Variants in CACNA1C observed in about 807,000 individuals in gnomAD.
The protein encoded by CACNA1C is calcium voltage-gated channel subunit alpha1 C.
CACNA1C carries 30 observed loss-of-function variants against 229.0 expected under a neutral mutation model. The ratio of observed to expected loss-of-function variants is 0.13; its 90% CI spans 0.10 to 0.18. The LOEUF (loss-of-function observed/expected upper bound fraction) is 0.18, where lower values mean the gene tolerates loss of function less well. CACNA1C is among the 10% of genes least tolerant of loss of function. CACNA1C has a pLI of 1.00. For missense variants in CACNA1C, 1,658 were observed against 2,845.0 expected (o/e 0.58, Z 9.49); for synonymous variants, 1,114 against 1,132.5 (o/e 0.98, Z 0.33).
chr12:2,315,530 G>C (rs1313036012), intron 3 of CACNA1C, among the ~76,000 whole-genome samples: 3 of 152,122 alleles, frequency 2.0e-5, no homozygotes, highest in Admixed American at 2.0e-4. Flanking sequence ...GGCTCTAGCA[G>C]GCCTTTAACC....
At chr12:2,417,485 A>G (rs1436840169) in intron 3 of CACNA1C, among the ~76,000 whole-genome samples, 3 of 152,156 alleles carry the variant, frequency 2.0e-5, no homozygotes, top group Non-Finnish European at 2.9e-5. Context: ...GGGCCCAGGC[A>G]GTTTGTTAAA....
At chr12:2,060,028 T>C (rs2056858534) in intron 1 of CACNA1C, among the ~76,000 whole-genome samples, 1 of 152,170 alleles carries the variant, frequency 6.6e-6, no homozygotes, top group South Asian at 2.1e-4. Flanking sequence ...ATTGGAAAGG[T>C]TTAAAAACAC....
intron 3 of CACNA1C, among the ~76,000 whole-genome samples, chr12:2,372,336 T>G (rs562259716): frequency 2.6e-5 from 4 of 152,328 alleles, no homozygotes; most frequent in Admixed American, 2.6e-4. Flanking sequence ...GCTCTCTTCC[T>G]GAGCTCACTA....
In CACNA1C at chr12:2,215,286, TC is replaced by T. The variant is rs1213813729; in HGVS notation, c.477+94859del. 6.6e-6 allele frequency among the ~76,000 whole-genome samples: 1 copy of T among 152,122 alleles called. No individual in the cohort carries two copies. Among genetic ancestry groups the T allele is most frequent in the Non-Finnish European group, 1.5e-5 (1 of 68,010 alleles). On this transcript the variant is annotated intron_variant, in intron 3 of 46. Transcript: ENST00000399655. The surrounding 1 kb of genome is among the most constrained non-coding windows in gnomAD (Gnocchi z 5.0). ...CTTGTCCTTTGCACTTCCTCATCAT[TC>T]CCTTTCTGCGAGCTTGCCCACTTGC...
At chr12:2,142,308 G>A (rs1192019332) in intron 3 of CACNA1C, among the ~76,000 whole-genome samples, 2 of 151,150 alleles carry the variant, frequency 1.3e-5, no homozygotes, top group Admixed American at 6.6e-5. Context: ...TCTTTCTGCC[G>A]TCGTAATGGT....
chr12:2,026,462 A>G (rs2047343544), intron 1 of CACNA1C, among the ~76,000 whole-genome samples: 1 of 152,210 alleles, frequency 6.6e-6, no homozygotes, highest in Non-Finnish European at 1.5e-5. Context: ...TTTCTGCCAG[A>G]CAATGACACC....
intron 4 of CACNA1C, among the ~76,000 whole-genome samples, chr12:2,456,030 G>A (rs1182541226): frequency 1.3e-5 from 2 of 152,166 alleles, no homozygotes; most frequent in Non-Finnish European, 2.9e-5. Flanking sequence ...TCCAGACACA[G>A]TAGAACCAAC....
rs114408353 is a variant in CACNA1C at position 1,979,870 on chromosome 12, G to A, written c.139+8669G>A. The stretch of plus-strand genomic sequence containing the variant: ...GGTTTCCAATGTCCAATAAGCATAT[G>A]AAGAAATGCTCAATACAGTCTGTTG... On this transcript the variant is annotated intron_variant, in intron 1 of 46. Transcript: ENST00000682462. Among the ~76,000 whole-genome samples, 1,414 of 152,218 alleles carry A rather than the reference G, an allele frequency of 9.3e-3. 16 individuals carry two copies. The highest frequency in any genetic ancestry group is 0.032 in the African/African-American group (1,332 of 41,522).
At chr12:2,096,962 G>A (rs2074278183) in intron 1 of CACNA1C, among the ~76,000 whole-genome samples, 1 of 152,132 alleles carries the variant, frequency 6.6e-6, no homozygotes, top group Admixed American at 6.6e-5. Flanking sequence ...ACCACACTAT[G>A]TTTGCCCATC....
intron 3 of CACNA1C, among the ~76,000 whole-genome samples, chr12:2,219,319 T>A (rs549446338): frequency 4.9e-4 from 74 of 152,348 alleles, no homozygotes; most frequent in African/African-American, 1.8e-3. Context: ...TTGACTCCTG[T>A]TACTTTTTAG....
intron 3 of CACNA1C, among the ~76,000 whole-genome samples, chr12:2,161,561 A>G (rs1178289836): frequency 2.0e-5 from 3 of 152,214 alleles, no homozygotes; most frequent in African/African-American, 7.2e-5. Flanking sequence ...CGGCAAGGCA[A>G]ACGAATCTAG....
At chr12:2,256,279 T>G (rs1054383629) in intron 3 of CACNA1C, among the ~76,000 whole-genome samples, 5 of 152,230 alleles carry the variant, frequency 3.3e-5, no homozygotes, top group Admixed American at 1.3e-4. Flanking sequence ...AACTGGTTAC[T>G]TCTCCATCAA....
intron 3 of CACNA1C, among the ~76,000 whole-genome samples, chr12:2,257,380 A>G (rs2078368519): frequency 6.6e-6 from 1 of 152,206 alleles, no homozygotes; most frequent in African/African-American, 2.4e-5. Context: ...GTTTCGTGGA[A>G]GACAATTTTT....
At chr12:2,485,991 A>G (rs919298656) in intron 5 of CACNA1C, 113 bp from the exon 6 acceptor site, 18 of 831,060 alleles carry the variant, frequency 2.2e-5, no homozygotes, top group Non-Finnish European at 3.1e-5. Context: ...CTTCTCATCT[A>G]AACAACAGGG....
intron 3 of CACNA1C, among the ~76,000 whole-genome samples, chr12:2,187,659 G>A (rs2097083447): frequency 6.6e-6 from 1 of 152,264 alleles, no homozygotes; most frequent in Non-Finnish European, 1.5e-5. Flanking sequence ...GGCTGAAGAT[G>A]TGGGCACTGC....
At chr12:2,670,236 C>T (rs2096484096) in intron 38 of CACNA1C, among the ~76,000 whole-genome samples, 1 of 152,156 alleles carries the variant, frequency 6.6e-6, no homozygotes, top group Non-Finnish European at 1.5e-5. Flanking sequence ...CTTCCCCTTC[C>T]TACACTTCCA....
At chr12:2,439,497 A>T (rs985794287) in intron 3 of CACNA1C, among the ~76,000 whole-genome samples, 1 of 152,174 alleles carries the variant, frequency 6.6e-6, no homozygotes, top group Non-Finnish European at 1.5e-5. Flanking sequence ...GAAGAGCCCA[A>T]GAGGCGTGCA....
intron 3 of CACNA1C, among the ~76,000 whole-genome samples, chr12:2,123,334 C>CCA (rs2087891173): frequency 6.7e-6 from 1 of 148,794 alleles, no homozygotes; most frequent in Non-Finnish European, 1.5e-5. Flanking sequence ...CGAGATCGCG[C>CCA]CACCGCACTC....
chr12:2,210,138 A>C (rs1241244042), intron 3 of CACNA1C, among the ~76,000 whole-genome samples: 2 of 152,220 alleles, frequency 1.3e-5, no homozygotes, highest in African/African-American at 4.8e-5. Context: ...GGAAGGAAGG[A>C]AGGACAGAGA....
Sources: gnomAD v4.1 joint callset for allele counts (sites outside exome capture counted in the v4.1 genomes callset) on GRCh38, gnomAD v4.1.1 for gene constraint, Gnocchi (gnomAD v3.1) non-coding constraint, MANE v1.5 for transcripts, NCBI Gene and HGNC (gene_info 2026-07-23, HGNC 2026-07-21) for gene names.